NEGR1: variants seen among roughly 807,000 people sequenced by gnomAD.
NEGR1 encodes neuronal growth regulator 1.
Under a neutral mutation model 40.9 loss-of-function variants are expected in NEGR1, and 10 were observed. That is an observed-to-expected ratio of 0.24 (90% CI 0.15 to 0.42). NEGR1 has a LOEUF of 0.42. Ranked by LOEUF, NEGR1 falls within the 10% of genes least tolerant of loss-of-function variation. The pLI, the probability that NEGR1 is intolerant of heterozygous loss-of-function variation, is 1.00. For missense variants in NEGR1, 352 were observed against 438.9 expected (o/e 0.80, Z 1.77); for synonymous variants, 185 against 166.8 (o/e 1.11, Z -0.84).
intron 6 of NEGR1, among the ~76,000 whole-genome samples, chr1:71,572,200 C>A (rs1197534166): frequency 1.3e-5 from 2 of 152,100 alleles, no homozygotes; most frequent in East Asian, 3.9e-4. Flanking sequence ...ATCTCTGTTC[C>A]TTTTTCTTAA....
intron 6 of NEGR1, among the ~76,000 whole-genome samples, chr1:71,474,517 TACAC>T (rs57225665): frequency 0.078 from 9,037 of 115,292 alleles, 367 homozygotes; most frequent in African/African-American, 0.13. Context: ...CTACTAACAA[TACAC>T]ACACACACAC....
intron 1 of NEGR1, among the ~76,000 whole-genome samples, chr1:72,265,973 C>A (rs1301926852): frequency 2.0e-5 from 3 of 150,524 alleles, no homozygotes; most frequent in African/African-American, 7.3e-5. Flanking sequence ...AGTAAAATTC[C>A]AAAAATAATC....
At chr1:72,139,489 C>T (rs1354674023) in intron 1 of NEGR1, among the ~76,000 whole-genome samples, 1 of 151,738 alleles carries the variant, frequency 6.6e-6, no homozygotes, top group African/African-American at 2.4e-5. Flanking sequence ...AAATGTATAA[C>T]TAGGGAATAT....
At chr1:72,281,593 T>TA (rs561086622) in intron 1 of NEGR1, among the ~76,000 whole-genome samples, 4 of 137,058 alleles carry the variant, frequency 2.9e-5, no homozygotes, top group Admixed American at 1.5e-4. Context: ...TAAGGAGGAA[T>TA]AAAAAAAATA....
At chr1:71,797,275 A>T (rs1015437502) in intron 2 of NEGR1, among the ~76,000 whole-genome samples, 2 of 152,190 alleles carry the variant, frequency 1.3e-5, no homozygotes, top group African/African-American at 4.8e-5. Flanking sequence ...ACTGATCATA[A>T]GCGGCAAGAC....
At chr1:71,919,883 T>C (rs1010858221) in intron 2 of NEGR1, among the ~76,000 whole-genome samples, 2 of 152,226 alleles carry the variant, frequency 1.3e-5, no homozygotes, top group Admixed American at 6.5e-5. Flanking sequence ...TGGAACTGAA[T>C]GGATAACTTT....
intron 6 of NEGR1, among the ~76,000 whole-genome samples, chr1:71,563,352 T>G (rs1043293149): frequency 3.3e-5 from 5 of 151,980 alleles, no homozygotes; most frequent in Admixed American, 2.6e-4. Flanking sequence ...TTTCCCTCAA[T>G]GTTTTTATGC....
chr1:71,480,108 G>C (rs1646844766), intron 6 of NEGR1, among the ~76,000 whole-genome samples: 1 of 151,928 alleles, frequency 6.6e-6, no homozygotes, highest in South Asian at 2.1e-4. Context: ...TGTAATTACA[G>C]TGGCCATATT....
At chr1:72,262,468 C>T (rs896562480) in intron 1 of NEGR1, among the ~76,000 whole-genome samples, 1 of 151,934 alleles carries the variant, frequency 6.6e-6, no homozygotes, top group Non-Finnish European at 1.5e-5. Context: ...GTCTGTTTTT[C>T]CTGTTTCCAC....
chr1:72,127,500 G>T lies in NEGR1; in HGVS notation c.176+154819C>A, dbSNP rs1256439698. 2.2e-5 allele frequency among the ~76,000 whole-genome samples: 3 copies of T among 138,114 alleles called. 1 individual carries two copies. The highest frequency in any genetic ancestry group is 4.6e-5 in the Non-Finnish European group (3 of 64,626). 90.6% of individuals were successfully genotyped at this position (138,114 alleles called of 152,430 possible). A position where few individuals can be genotyped will look rare whatever the true frequency, so the allele number is the denominator to read the frequency against. On this transcript the variant is annotated intron_variant, in intron 1 of 6. Transcript: ENST00000357731. ...AAAAAAAAAAAAAAAAGGGAGAATTGCAATTTGTTATATAATATTATTTAT... is the reference window on the plus strand; with the variant it reads ...AAAAAAAAAAAAAAAAGGGAGAATTTCAATTTGTTATATAATATTATTTAT...
intron 6 of NEGR1, among the ~76,000 whole-genome samples, chr1:71,555,820 A>C (rs1570025556): frequency 6.6e-6 from 1 of 151,348 alleles, no homozygotes; most frequent in South Asian, 2.1e-4. Flanking sequence ...AATGTCCTTC[A>C]CTCTCACTGA....
At chr1:71,619,611 T>C (rs1156571405) in intron 4 of NEGR1, among the ~76,000 whole-genome samples, 5 of 151,994 alleles carry the variant, frequency 3.3e-5, no homozygotes, top group Non-Finnish European at 5.9e-5. Context: ...TTCAGAGGAA[T>C]GTTATTAGAC....
chr1:72,085,922 A>T (rs1648201823), intron 1 of NEGR1, among the ~76,000 whole-genome samples: 1 of 144,128 alleles, frequency 6.9e-6, no homozygotes, highest in Non-Finnish European at 1.5e-5. Context: ...GTGAGCAGAG[A>T]TTGCACCACT....
intron 3 of NEGR1, among the ~76,000 whole-genome samples, chr1:71,734,903 C>T (rs1418574135): frequency 7.6e-6 from 1 of 131,160 alleles, no homozygotes; most frequent in African/African-American, 2.6e-5. Flanking sequence ...TCTTCAGTTA[C>T]CTTAACTTTT....
intron 4 of NEGR1, among the ~76,000 whole-genome samples, chr1:71,641,721 G>A (rs1651359959): frequency 1.3e-5 from 2 of 151,980 alleles, no homozygotes; most frequent in Admixed American, 6.6e-5. Context: ...ATGCAAGCAG[G>A]TGCGGTACAC....
At chr1:72,074,185 T>C (rs1432136413) in intron 1 of NEGR1, among the ~76,000 whole-genome samples, 1 of 152,058 alleles carries the variant, frequency 6.6e-6, no homozygotes, top group Non-Finnish European at 1.5e-5. Context: ...AATATGTTAT[T>C]AGCTCCAAAA....
rs530963777 is a variant in NEGR1, at chr1:71,793,124, G to C, written c.410-16827C>G. Among the ~76,000 whole-genome samples the C allele has an allele frequency of 2.0e-3, 288 of 144,404 alleles. 3 individuals are homozygous for C. The highest frequency in any genetic ancestry group is 7.1e-3 in the African/African-American group (277 of 39,142). 94.7% of individuals were successfully genotyped at this position (144,404 alleles called of 152,430 possible). On this transcript the variant is annotated intron_variant, in intron 2 of 6. Transcript: ENST00000357731. ...TTGAAGATGGCATAAATGAAAAGTAGAATAGAACTAGTCTCTAGAGAATAT... is the reference window on the plus strand; with the variant it reads ...TTGAAGATGGCATAAATGAAAAGTACAATAGAACTAGTCTCTAGAGAATAT...
chr1:71,924,635 T>C (rs1461767411), intron 2 of NEGR1, among the ~76,000 whole-genome samples: 2 of 152,186 alleles, frequency 1.3e-5, no homozygotes, highest in Non-Finnish European at 2.9e-5. Flanking sequence ...AAACTCTTGT[T>C]TGGGTTTGGC....
intron 1 of NEGR1, among the ~76,000 whole-genome samples, chr1:72,223,663 T>TA (rs1268693507): frequency 6.6e-6 from 1 of 152,158 alleles, no homozygotes; most frequent in Non-Finnish European, 1.5e-5. Flanking sequence ...CAAGTGATGC[T>TA]ATTTGCTAAA....
Sources: allele counts gnomAD v4.1 joint callset (sites outside exome capture counted in the v4.1 genomes callset), GRCh38; gene constraint gnomAD v4.1.1; transcripts MANE v1.5; gene names NCBI Gene and HGNC (gene_info 2026-07-23, HGNC 2026-07-21).